DCC: variants seen among roughly 807,000 people sequenced by gnomAD.
The protein encoded by DCC is netrin receptor DCC.
DCC carries 58 observed loss-of-function variants against 172.5 expected under a neutral mutation model. The ratio of observed to expected loss-of-function variants is 0.34; its 90% CI spans 0.27 to 0.42. The LOEUF (loss-of-function observed/expected upper bound fraction) is 0.42. DCC is among the 10% of genes least tolerant of loss of function. DCC has a pLI of 1.00. For missense variants in DCC, 1,740 were observed against 1,791.0 expected (o/e 0.97, Z 0.51); for synonymous variants, 709 against 644.5 (o/e 1.10, Z -1.52).
chr18:52,411,853 C>T (rs978091816), intron 1 of DCC, among the ~76,000 whole-genome samples: 1 of 152,026 alleles, frequency 6.6e-6, no homozygotes, highest in South Asian at 2.1e-4. Context: ...CTTACCTGTC[C>T]CCAACCTCAT....
In DCC at chr18:53,460,579, G is replaced by A. The variant is rs1389902253; in HGVS notation, c.3619+1121G>A. ...AGTTTACTGAGAATGATGATTTCCAGTTTCATCCATGTCCCTACAAAGGAC... is the reference window on the plus strand; with the variant it reads ...AGTTTACTGAGAATGATGATTTCCAATTTCATCCATGTCCCTACAAAGGAC... On this transcript the variant is annotated intron_variant, in intron 24 of 28. Coordinates refer to ENST00000442544, the MANE Select transcript of DCC (RefSeq NM_005215.4). 6.6e-5 allele frequency among the ~76,000 whole-genome samples: 10 copies of A among 151,758 alleles called. No individual in the cohort carries two copies. The South Asian group carries it at 1.7e-3, about 25-fold the overall frequency.
intron 26 of DCC, 23 bp downstream of exon 26, chr18:53,486,981 T>C (rs1441071613): frequency 6.8e-6 from 11 of 1,613,744 alleles, no homozygotes; most frequent in Non-Finnish European, 8.5e-6. Flanking sequence ...CCTCTCTTTT[T>C]AATAAGCACA....
chr18:53,165,483 A>T (rs568115851), intron 8 of DCC, among the ~76,000 whole-genome samples: 1 of 152,194 alleles, frequency 6.6e-6, no homozygotes, highest in South Asian at 2.1e-4. Context: ...TTGTGATGGA[A>T]AAAGAACAAG....
At chr18:53,322,475 G>T (rs545931459) in intron 14 of DCC, among the ~76,000 whole-genome samples, 1 of 151,826 alleles carries the variant, frequency 6.6e-6, no homozygotes, top group Non-Finnish European at 1.5e-5. Context: ...TAACCATTTC[G>T]TTCACAAGAA....
chr18:53,206,891 T>C (rs1239791144), intron 10 of DCC, among the ~76,000 whole-genome samples: 1 of 151,820 alleles, frequency 6.6e-6, no homozygotes, highest in Non-Finnish European at 1.5e-5. Flanking sequence ...ATAAGAAATA[T>C]TTTATATTCA....
rs922563847 is a variant in DCC at position 53,344,461 on chromosome 18, G to C, written c.2359+4554G>C. On this transcript the variant is annotated intron_variant, in intron 15 of 28. Coordinates refer to ENST00000442544, the MANE Select transcript of DCC (RefSeq NM_005215.4). ...TTTTCTTTTTTTTTTTTTTTTTTTTGAGCCACAGTCTCACTTTGTTGCCCA... is the reference window on the plus strand; with the variant it reads ...TTTTCTTTTTTTTTTTTTTTTTTTTCAGCCACAGTCTCACTTTGTTGCCCA... Among the ~76,000 whole-genome samples, 4 of 18,862 alleles carry C rather than the reference G, an allele frequency of 2.1e-4. No individual in the cohort carries two copies. The Admixed American group carries it at 2.2e-3, about 10-fold the overall frequency. 12.4% of individuals were successfully genotyped at this position (18,862 alleles called of 152,430 possible).
intron 16 of DCC, among the ~76,000 whole-genome samples, chr18:53,386,644 G>T (rs960092962): frequency 1.3e-5 from 2 of 152,146 alleles, no homozygotes; most frequent in Admixed American, 6.5e-5. Context: ...ATCTTCCTGA[G>T]CTGGGCCTCC....
At chr18:52,433,327 A>T (rs1283922546) in intron 1 of DCC, among the ~76,000 whole-genome samples, 1 of 152,190 alleles carries the variant, frequency 6.6e-6, no homozygotes, top group African/African-American at 2.4e-5. Flanking sequence ...TTGCTTTCAT[A>T]TCCATTCGTT....
intron 1 of DCC, among the ~76,000 whole-genome samples, chr18:52,402,370 T>C (rs1355629879): frequency 3.3e-5 from 5 of 152,004 alleles, no homozygotes; most frequent in Non-Finnish European, 7.4e-5. Context: ...CATGGGCCTC[T>C]ATCGCATGTT....
At chr18:53,355,256 G>A (rs547510237) in intron 15 of DCC, among the ~76,000 whole-genome samples, 13 of 150,652 alleles carry the variant, frequency 8.6e-5, no homozygotes, top group South Asian at 6.4e-4. Flanking sequence ...TTGGCAATGC[G>A]GGCTCTTTTT....
At chr18:52,863,251 C>T (rs1598878019) in intron 2 of DCC, among the ~76,000 whole-genome samples, 1 of 152,020 alleles carries the variant, frequency 6.6e-6, no homozygotes, top group South Asian at 2.1e-4. Flanking sequence ...ATACACTTTG[C>T]ATACAGAATT....
chr18:53,386,951 T>A (rs558778460), intron 16 of DCC, among the ~76,000 whole-genome samples: 52 of 152,312 alleles, frequency 3.4e-4, no homozygotes, highest in East Asian at 2.5e-3. Flanking sequence ...CACAGACTTA[T>A]GTCTGAAATC....
Position 52,417,462 on chromosome 18 carries a change from A to T in DCC, c.91+76584A>T, listed in dbSNP as rs1987079576. ...AGTTCTCCTGGATAATATCCTGGAG[A>T]GTGTTTTCTAACTTGGTTCCATTCT... On this transcript the variant is annotated intron_variant, in intron 1 of 28. Transcript: ENST00000442544. 2.0e-5 allele frequency among the ~76,000 whole-genome samples: 3 copies of T among 151,940 alleles called. No individual in the cohort carries two copies. In the South Asian group the frequency reaches 6.2e-4, roughly 32 times the overall value.
intron 23 of DCC, among the ~76,000 whole-genome samples, chr18:53,453,793 G>T (rs2145155656): frequency 6.6e-6 from 1 of 152,078 alleles, no homozygotes; most frequent in Admixed American, 6.5e-5. Flanking sequence ...ATGATAATTT[G>T]GGCTAAATGC....
intron 3 of DCC, among the ~76,000 whole-genome samples, chr18:52,906,785 T>C (rs567928976): frequency 1.9e-4 from 29 of 152,006 alleles, no homozygotes; most frequent in Admixed American, 3.3e-4. Flanking sequence ...ATATGTATCA[T>C]ATATCATATA....
intron 1 of DCC, among the ~76,000 whole-genome samples, chr18:52,565,018 A>C (rs886964284): frequency 6.6e-6 from 1 of 152,146 alleles, no homozygotes; most frequent in Non-Finnish European, 1.5e-5. Context: ...TGTGTAAGGG[A>C]CTAAGAAGGA....
intron 5 of DCC, among the ~76,000 whole-genome samples, chr18:53,013,698 T>TAAA (rs772056355): frequency 7.4e-6 from 1 of 135,982 alleles, no homozygotes; most frequent in Non-Finnish European, 1.6e-5. Flanking sequence ...TCCCAGAACT[T>TAAA]AAAAAAAAAA....
intron 2 of DCC, among the ~76,000 whole-genome samples, chr18:52,768,080 C>G (rs1323227417): frequency 2.0e-5 from 3 of 152,140 alleles, no homozygotes; most frequent in Non-Finnish European, 4.4e-5. Flanking sequence ...TTCTTCTATG[C>G]CAGTAAAATC....
At chr18:52,800,542 A>T (rs1048918498) in intron 2 of DCC, among the ~76,000 whole-genome samples, 2 of 152,186 alleles carry the variant, frequency 1.3e-5, no homozygotes, top group South Asian at 4.1e-4. Flanking sequence ...CAGTACATAG[A>T]TTGCTATCCT....
Sources: allele counts gnomAD v4.1 joint callset (sites outside exome capture counted in the v4.1 genomes callset), GRCh38; gene constraint gnomAD v4.1.1; transcripts MANE v1.5; gene names NCBI Gene and HGNC (gene_info 2026-07-23, HGNC 2026-07-21).